The following COMMD1 variants were observed in gnomAD, a reference collection of about 807,000 sequenced individuals.
COMMD1 encodes copper metabolism domain containing 1.
Under a neutral mutation model 17.2 loss-of-function variants are expected in COMMD1, and 10 were observed. The ratio of observed to expected loss-of-function variants is 0.58; its 90% CI spans 0.36 to 0.99. The LOEUF is 0.99. Ranked by LOEUF, COMMD1 falls within the 50% of genes least tolerant of loss-of-function variation. The pLI is 0.01. For synonymous variants in COMMD1, 97 were observed against 91.6 expected, an observed-to-expected ratio of 1.06 and a Z score of -0.34; for missense variants, 270 against 231.8, an observed-to-expected ratio of 1.17 and a Z score of -1.07.
chr2:62,001,592 C>T (rs372009658), intron 2 of COMMD1, among the ~76,000 whole-genome samples: 15 of 152,052 alleles, frequency 9.9e-5, no homozygotes, highest in South Asian at 6.2e-4. Flanking sequence ...AGATGACTGC[C>T]AGCTCAGACT....
intron 1 of COMMD1, among the ~76,000 whole-genome samples, 181 bp downstream of exon 1, chr2:61,906,039 C>T (rs1669764291): frequency 6.6e-6 from 1 of 152,230 alleles, no homozygotes; most frequent in African/African-American, 2.4e-5. Flanking sequence ...CCCCTTCTCT[C>T]TTTCCTAAGG....
At chr2:62,036,849 G>A (rs1264036665) in intron 2 of COMMD1, among the ~76,000 whole-genome samples, 2 of 152,074 alleles carry the variant, frequency 1.3e-5, no homozygotes, top group East Asian at 1.9e-4. Context: ...CCTGCTTTTT[G>A]ATTACTGCTC....
intron 2 of COMMD1, among the ~76,000 whole-genome samples, chr2:62,081,007 C>T (rs1671500163): frequency 6.6e-6 from 1 of 151,600 alleles, no homozygotes; most frequent in Admixed American, 6.6e-5. Context: ...GTTTTTGCTA[C>T]TACAAACCAG....
At chr2:62,116,529 G>A (rs992058025) in intron 2 of COMMD1, among the ~76,000 whole-genome samples, 7 of 151,602 alleles carry the variant, frequency 4.6e-5, no homozygotes, top group East Asian at 1.9e-4. Context: ...CGAATTAGTC[G>A]GGCGTGGAGG....
intron 1 of COMMD1, among the ~76,000 whole-genome samples, chr2:61,955,260 A>G (rs13024028): frequency 0.15 from 22,285 of 151,780 alleles, 1,702 homozygotes; most frequent in East Asian, 0.22. Flanking sequence ...AGGCTGAGGC[A>G]GGAGGATTGC....
At chr2:61,958,164 T>A (rs991266397) in intron 1 of COMMD1, among the ~76,000 whole-genome samples, 1 of 152,124 alleles carries the variant, frequency 6.6e-6, no homozygotes, top group Non-Finnish European at 1.5e-5. Context: ...TTTTTCCTGA[T>A]CCTCTTTCTC....
chr2:61,930,540 A>C (rs1387513893), intron 1 of COMMD1, among the ~76,000 whole-genome samples: 5 of 152,104 alleles, frequency 3.3e-5, no homozygotes, highest in Non-Finnish European at 7.3e-5. Flanking sequence ...TGGGTGACAG[A>C]GCAAGACTCC....
At chr2:62,034,608 T>C (rs1299293787) in intron 2 of COMMD1, among the ~76,000 whole-genome samples, 1 of 152,222 alleles carries the variant, frequency 6.6e-6, no homozygotes, top group Non-Finnish European at 1.5e-5. Flanking sequence ...CTAAATGTTT[T>C]CAGATGTTTA....
At chr2:62,081,478 G>C (rs955878646) in intron 2 of COMMD1, among the ~76,000 whole-genome samples, 1 of 151,962 alleles carries the variant, frequency 6.6e-6, no homozygotes, top group African/African-American at 2.4e-5. Context: ...TTGAACTCCC[G>C]ACCTCAGGTG....
At chr2:62,086,576 G>C (rs564626045) in intron 2 of COMMD1, among the ~76,000 whole-genome samples, 5 of 151,788 alleles carry the variant, frequency 3.3e-5, no homozygotes, top group Non-Finnish European at 7.4e-5. Context: ...AAGCATTTCT[G>C]GTAGGTGCTT....
At chr2:62,022,892 G>C (rs1246531217) in intron 2 of COMMD1, among the ~76,000 whole-genome samples, 1 of 152,098 alleles carries the variant, frequency 6.6e-6, no homozygotes, top group African/African-American at 2.4e-5. Flanking sequence ...AGTAGTAAGG[G>C]AAGTAAATGT....
chr2:62,059,340 T>G (rs941428480), intron 2 of COMMD1, among the ~76,000 whole-genome samples: 1 of 151,960 alleles, frequency 6.6e-6, no homozygotes, highest in Non-Finnish European at 1.5e-5. Context: ...AAAATTTTTT[T>G]GTTTTTTGTC....
chr2:61,947,747 A>G (rs1158803132), intron 1 of COMMD1, among the ~76,000 whole-genome samples: 28 of 142,988 alleles, frequency 2.0e-4, no homozygotes, highest in African/African-American at 7.2e-4. Context: ...GAAGTGGGGT[A>G]CTGTATGTTG....
rs755621342 is a variant in COMMD1, at chr2:62,135,952, T to A, written c.*11T>A. The A allele has an allele frequency of 1.1e-5, 16 of 1,403,122 alleles. No homozygotes were observed. The highest frequency in any genetic ancestry group is 1.4e-5 in the Non-Finnish European group (14 of 987,378). The allele number at this position is 1,403,122 out of a possible 1,614,324, so 86.9% of individuals were successfully genotyped here. On this transcript the variant is annotated 3_prime_UTR_variant, in exon 3 of 3. Coordinates refer to ENST00000311832, the MANE Select transcript of COMMD1 (RefSeq NM_152516.4). Reference sequence around the variant, plus strand: ...AGCCAGCCTAACTGAAGATGATGTATGAAGGAGTTGGAGTTGTTGAAACCA... The same window carrying A: ...AGCCAGCCTAACTGAAGATGATGTAAGAAGGAGTTGGAGTTGTTGAAACCA...
intron 2 of COMMD1, among the ~76,000 whole-genome samples, chr2:62,116,519 C>T (rs893948759): frequency 1.3e-5 from 2 of 150,984 alleles, no homozygotes; most frequent in Admixed American, 6.6e-5. Context: ...TAAAAATACC[C>T]GAATTAGTCG....
chr2:62,109,595 T>C (rs1672401062), intron 2 of COMMD1, among the ~76,000 whole-genome samples: 1 of 152,248 alleles, frequency 6.6e-6, no homozygotes, highest in Non-Finnish European at 1.5e-5. Context: ...GTGAATTACG[T>C]GAATTCCCAT....
At chr2:62,133,949 G>C (rs1330619712) in intron 2 of COMMD1, among the ~76,000 whole-genome samples, 4 of 152,058 alleles carry the variant, frequency 2.6e-5, no homozygotes, top group Non-Finnish European at 4.4e-5. Context: ...GCACCACCAT[G>C]TCTGGCTTTT....
rs1319748162 is a variant in COMMD1, at chr2:62,050,330, T to C, written c.462+49348T>C. Among the ~76,000 whole-genome samples, 4 of 152,246 alleles carry C rather than the reference T, an allele frequency of 2.6e-5. No homozygotes were observed. The East Asian group carries it at 7.7e-4, about 29-fold the overall frequency. ...AATTATAAAAGTGACATAACTAATG[T>C]TGGAGAAAATTTGAAAAACAGAATA... is the stretch of plus-strand genomic sequence containing the variant. On this transcript the variant is annotated intron_variant, in intron 2 of 2. Coordinates refer to ENST00000311832, the MANE Select transcript of COMMD1 (RefSeq NM_152516.4).
intron 2 of COMMD1, among the ~76,000 whole-genome samples, chr2:62,068,620 CTTTTTTTTTT>C (rs67517468): frequency 3.4e-5 from 3 of 89,258 alleles, no homozygotes; most frequent in South Asian, 3.5e-4. Flanking sequence ...GTAGTATAAT[CTTTTTTTTTT>C]TTTTTTTTTT....
Sources: gnomAD v4.1 joint callset for allele counts (sites outside exome capture counted in the v4.1 genomes callset) on GRCh38, gnomAD v4.1.1 for gene constraint, MANE v1.5 for transcripts, NCBI Gene and HGNC (gene_info 2026-07-23, HGNC 2026-07-21) for gene names.